SLCO1A2: variants seen among roughly 807,000 people sequenced by gnomAD.
The protein encoded by SLCO1A2 is OATP-1.
Under a neutral mutation model 69.0 loss-of-function variants are expected in SLCO1A2, and 67 were observed. The observed-to-expected ratio is 0.97, with a 90% CI of 0.80 to 1.19. SLCO1A2 has a LOEUF of 1.19. Ranked by LOEUF, SLCO1A2 falls within the 50% of genes most tolerant of loss-of-function variation. The pLI is 0.00. For missense variants in SLCO1A2, 787 were observed against 793.7 expected, an observed-to-expected ratio of 0.99 and a Z score of 0.10; for synonymous variants, 260 against 265.9, an observed-to-expected ratio of 0.98 and a Z score of 0.22.
chr12:21,343,667 C>A (rs377566273), intron 2 of SLCO1A2, among the ~76,000 whole-genome samples: 10 of 152,042 alleles, frequency 6.6e-5, no homozygotes, highest in Non-Finnish European at 1.5e-4. Context: ...TACTTTTCAG[C>A]ATGACATCAG....
At chr12:21,283,389 C>A (rs1386883384) in intron 12 of SLCO1A2, among the ~76,000 whole-genome samples, 1 of 151,986 alleles carries the variant, frequency 6.6e-6, no homozygotes, top group Non-Finnish European at 1.5e-5. Flanking sequence ...GAAACTAGAC[C>A]CATATTTCTT....
chr12:21,410,553 CTTTGGGTTTTGCTA>C (rs1941892001), intron 1 of SLCO1A2, among the ~76,000 whole-genome samples: 1 of 152,036 alleles, frequency 6.6e-6, no homozygotes, highest in African/African-American at 2.4e-5. Flanking sequence ...TTGGATTGTT[CTTTGGGTTTTGCTA>C]TTTAGAACAG....
rs1431095324 is a variant in SLCO1A2, at chr12:21,371,382, T to C, written c.-63+3017A>G. 4.0e-5 allele frequency among the ~76,000 whole-genome samples: 6 copies of C among 148,552 alleles called. No individual in the cohort carries two copies. The East Asian group carries it at 7.8e-4, about 19-fold the overall frequency. ...ACATTATCTTCTTACGGAAATGCAT[T>C]ATCCTTCCATTTCTTTTGATTTTTT... On this transcript the variant is annotated intron_variant, in intron 2 of 15. Transcript: ENST00000307378.
At chr12:21,318,995 T>C (rs1210024126) in intron 2 of SLCO1A2, 72 bp from the exon 3 acceptor site, 9 of 1,177,544 alleles carry the variant, frequency 7.6e-6, no homozygotes, top group South Asian at 6.3e-5. Context: ...GTTGACAAAA[T>C]GCCTTCCACC....
chr12:21,398,121 C>T (rs377615760), upstream of SLCO1A2, among the ~76,000 whole-genome samples: 2 of 144,708 alleles, frequency 1.4e-5, no homozygotes, highest in Admixed American at 7.0e-5. Flanking sequence ...ATTGATAGAC[C>T]ACTAGCAAGA....
upstream of SLCO1A2, among the ~76,000 whole-genome samples, chr12:21,398,252 G>A (rs1305216293): frequency 3.3e-5 from 5 of 151,016 alleles, no homozygotes; most frequent in Non-Finnish European, 5.9e-5. Flanking sequence ...ACACCTCTAC[G>A]CAAATAAACT....
chr12:21,351,644 G>C (rs1937965877), intron 2 of SLCO1A2, among the ~76,000 whole-genome samples: 1 of 151,986 alleles, frequency 6.6e-6, no homozygotes, highest in Non-Finnish European at 1.5e-5. Context: ...CGGGCATGGT[G>C]GTGGGCGCCT....
chr12:21,362,571 G>C (rs928783018), intron 2 of SLCO1A2, among the ~76,000 whole-genome samples: 3 of 152,048 alleles, frequency 2.0e-5, no homozygotes, highest in Non-Finnish European at 4.4e-5. Flanking sequence ...AATGTAAATG[G>C]GCTAAATGCT....
At chr12:21,410,841 A>T (rs896197332) in intron 1 of SLCO1A2, among the ~76,000 whole-genome samples, 1 of 152,172 alleles carries the variant, frequency 6.6e-6, no homozygotes, top group Admixed American at 6.5e-5. Context: ...TAAAGAGAGT[A>T]AACATTTTCT....
rs538559319 is a variant in SLCO1A2 at position 21,330,724 on chromosome 12, T to G, written c.60+3864A>C. On this transcript the variant is annotated intron_variant, in intron 2 of 14. Coordinates refer to ENST00000683939, the MANE Select transcript of SLCO1A2 (RefSeq NM_001386879.1). ...GTAACTCAACATTTTTAATAAATCT[T>G]GTTCTAACCAGTTCTTTAGTGTTGC... 2.8e-3 allele frequency among the ~76,000 whole-genome samples: 420 copies of G among 152,320 alleles called. 1 individual carries two copies. The highest frequency in any genetic ancestry group is 4.4e-3 in the Non-Finnish European group (298 of 68,028).
intron 1 of SLCO1A2, chr12:21,378,669 T>A (rs1940385981): frequency 2.3e-6 from 1 of 437,942 alleles, no homozygotes; most frequent in Non-Finnish European, 4.1e-6. Flanking sequence ...CATAAGAACG[T>A]CATTTTGGGA....
At chr12:21,363,313 T>A (rs1231119107) in intron 2 of SLCO1A2, among the ~76,000 whole-genome samples, 1 of 152,044 alleles carries the variant, frequency 6.6e-6, no homozygotes, top group Non-Finnish European at 1.5e-5. Flanking sequence ...CATAACGAAA[T>A]GAAGGCAGAA....
In SLCO1A2 at chr12:21,300,390, G is replaced by C. The variant is rs373482983; in HGVS notation, c.868C>G (p.Gln290Glu). 3.1e-6 allele frequency: 5 copies of C among 1,611,952 alleles called. No homozygotes were observed. The highest frequency in any genetic ancestry group is 4.2e-6 in the Non-Finnish European group (5 of 1,179,102). ...DIIKNENEDK[Q>E]KEEVKKEKYG... ...TTTTCCTTCTTGACCTCTTCTTTTT[G>C]TTTGTCTTCATTTTCATTTTTAATG... The change falls in exon 8 of 15, where the codon CAA becomes GAA. Residue 290 changes from glutamine to glutamate, a missense_variant. Transcript: ENST00000683939.
chr12:21,373,400 T>C (rs548820504), intron 2 of SLCO1A2: 58 of 1,613,576 alleles, frequency 3.6e-5, no homozygotes, highest in Middle Eastern at 3.3e-4. Flanking sequence ...CTCTGTTGCA[T>C]TGAACCATCT....
chr12:21,347,076 T>G (rs985221363), intron 2 of SLCO1A2, among the ~76,000 whole-genome samples: 1 of 151,992 alleles, frequency 6.6e-6, no homozygotes, highest in African/African-American at 2.4e-5. Context: ...TTTTGATAAG[T>G]TGAATTAAAA....
At chr12:21,274,799 T>G in intron 13 of SLCO1A2, 1 of 693,690 alleles carries the variant, frequency 1.4e-6, no homozygotes, top group Non-Finnish European at 2.1e-6. Flanking sequence ...TGCAACATAA[T>G]TATTAGTAGA....
In SLCO1A2 at chr12:21,274,523, G is replaced by T; in HGVS notation, c.1739C>A (p.Thr580Asn). The T allele has an allele frequency of 6.2e-7, 1 of 1,613,772 alleles. No homozygotes were observed. The highest frequency in any genetic ancestry group is 1.3e-5 in the African/African-American group (1 of 75,032). Residue 580 changes from threonine to asparagine, a missense_variant, in exon 14 of 15, where the codon ACT (threonine) becomes AAT (asparagine). Thr to Asn is a moderately conservative substitution (Grantham distance 65, BLOSUM62 0). Coordinates refer to ENST00000683939, the MANE Select transcript of SLCO1A2 (RefSeq NM_001386879.1). ...TGCCCCTGACTCACCACATTTCAAA[G>T]TTCCCCAGTGTAAACATGTGGAATC... is the stretch of plus-strand genomic sequence containing the variant. ...LMDSTCLHWG[T>N]LKCGESGACR... is the part of the protein sequence containing the mutation.
intron 14 of SLCO1A2, among the ~76,000 whole-genome samples, chr12:21,270,924 TTTC>T (rs1187286665): frequency 6.6e-6 from 1 of 151,742 alleles, no homozygotes; most frequent in Non-Finnish European, 1.5e-5. Context: ...AGCTCTTTAC[TTTC>T]TTATTCCCTC....
At chr12:21,418,692 C>A (rs559577910), upstream of SLCO1A2, among the ~76,000 whole-genome samples, 1 of 152,080 alleles carries the variant, frequency 6.6e-6, no homozygotes, top group African/African-American at 2.4e-5. Flanking sequence ...GTCCCTCCAA[C>A]AACGTGTGGG....
Sources: gnomAD v4.1 joint callset for allele counts (sites outside exome capture counted in the v4.1 genomes callset) on GRCh38, gnomAD v4.1.1 for gene constraint, MANE v1.5 for transcripts, NCBI Gene and HGNC (gene_info 2026-07-23, HGNC 2026-07-21) for gene names.